Variants in SPATA17 observed in about 807,000 individuals in gnomAD.
SPATA17 encodes spermatogenesis associated 17.
A neutral mutation model predicts 62.2 loss-of-function variants in SPATA17; 53 were observed. That is an observed-to-expected ratio of 0.85 (90% CI 0.68 to 1.07). SPATA17 has a LOEUF of 1.07. Ranked by LOEUF, SPATA17 falls within the 50% of genes least tolerant of loss-of-function variation. The pLI, the probability that SPATA17 is intolerant of heterozygous loss-of-function variation, is 0.00. For missense variants in SPATA17, 466 were observed against 425.5 expected (o/e 1.10, Z -0.84); for synonymous variants, 146 against 146.8 (o/e 0.99, Z 0.04).
intron 4 of SPATA17, 119 bp downstream of exon 4, chr1:217,669,202 GAA>G: frequency 1.2e-6 from 1 of 820,008 alleles, no homozygotes; most frequent in Non-Finnish European, 2.0e-6. Flanking sequence ...GGTAAAGAGA[GAA>G]AGAGTATGTA....
At chr1:217,753,566 T>C (rs899977399) in intron 6 of SPATA17, among the ~76,000 whole-genome samples, 7 of 151,834 alleles carry the variant, frequency 4.6e-5, no homozygotes, top group Admixed American at 2.0e-4. Flanking sequence ...TAGGTATGGG[T>C]AGAGATAGTT....
rs1676113152 is a variant in SPATA17 at position 217,870,723 on chromosome 1, G to C, written c.*3704G>C. ...GGATGTTTAAAAACATACACCCTAA[G>C]AGCCTTCAGAATTAGACGCTTCAAT... is the stretch of plus-strand genomic sequence containing the variant. On this transcript the variant is annotated 3_prime_UTR_variant, in exon 11 of 11. Transcript: ENST00000366933. The C allele has an allele frequency of 6.6e-6, 1 of 152,118 alleles. No homozygotes were observed. 9.4% of individuals were successfully genotyped at this position (152,118 alleles called of 1,614,324 possible). A position where few individuals can be genotyped will look rare whatever the true frequency, so the allele number is the denominator to read the frequency against.
chr1:217,656,263 T>C (rs906980833), intron 3 of SPATA17, among the ~76,000 whole-genome samples: 3 of 152,208 alleles, frequency 2.0e-5, no homozygotes, highest in Non-Finnish European at 4.4e-5. Context: ...GGAATGTGTA[T>C]TTATTTTAAT....
chr1:217,747,389 G>A (rs1042826881), intron 6 of SPATA17, among the ~76,000 whole-genome samples: 3 of 152,002 alleles, frequency 2.0e-5, no homozygotes, highest in African/African-American at 4.8e-5. Context: ...ATATGCAAAG[G>A]CCTATTGTTG....
chr1:217,807,646 T>G (rs1319638056), intron 9 of SPATA17, among the ~76,000 whole-genome samples: 1 of 152,180 alleles, frequency 6.6e-6, no homozygotes, highest in Non-Finnish European at 1.5e-5. Flanking sequence ...GTATATTTAT[T>G]GCCCATATTA....
chr1:217,662,949 G>C (rs568296032), intron 3 of SPATA17, among the ~76,000 whole-genome samples: 1 of 151,936 alleles, frequency 6.6e-6, no homozygotes, highest in South Asian at 2.1e-4. Flanking sequence ...TTTTTCCTTA[G>C]GGTCTAAACT....
At chr1:217,753,613 G>GTA (rs199497632) in intron 6 of SPATA17, among the ~76,000 whole-genome samples, 14 of 151,232 alleles carry the variant, frequency 9.3e-5, no homozygotes, top group South Asian at 4.2e-4. Context: ...TTTTGTATAT[G>GTA]TATATATATA....
chr1:217,840,472 CTGGCCT>C (rs1252918653), intron 9 of SPATA17, among the ~76,000 whole-genome samples: 1 of 152,132 alleles, frequency 6.6e-6, no homozygotes, highest in Non-Finnish European at 1.5e-5. Flanking sequence ...TCACTGCTAT[CTGGCCT>C]ATTAACCATT....
intron 9 of SPATA17, among the ~76,000 whole-genome samples, chr1:217,802,671 A>G (rs61825823): frequency 0.036 from 5,490 of 152,100 alleles, 148 homozygotes; most frequent in Middle Eastern, 0.065. Context: ...TTTAACCTCA[A>G]TCACCTCCTT....
chr1:217,718,841 C>T (rs1408585490), intron 5 of SPATA17, among the ~76,000 whole-genome samples: 23 of 151,908 alleles, frequency 1.5e-4, no homozygotes, highest in Admixed American at 1.5e-3. Context: ...GTACTGGCTG[C>T]CAAACAAACA....
chr1:217,721,921 G>A (rs1173269078), intron 5 of SPATA17, among the ~76,000 whole-genome samples: 16 of 152,094 alleles, frequency 1.1e-4, no homozygotes, highest in South Asian at 2.1e-4. Flanking sequence ...CTTCTAAGAC[G>A]TGGCCTGGAG....
Position 217,870,618 on chromosome 1 carries a change from G to A in SPATA17, c.*3599G>A, listed in dbSNP as rs930806538. On this transcript the variant is annotated 3_prime_UTR_variant, in exon 11 of 11. Coordinates refer to ENST00000366933, the MANE Select transcript of SPATA17 (RefSeq NM_138796.4). ...TAATGAGACTTTATGTTTGACCAAA[G>A]CTGGTAATTCCTTGATCTTATTCTC... 6.6e-6 allele frequency: 1 copy of A among 152,142 alleles called. No individual in the cohort carries two copies. The highest frequency in any genetic ancestry group is 1.5e-5 in the Non-Finnish European group (1 of 68,036). The allele number at this position is 152,142 out of a possible 1,614,324, so 9.4% of individuals were successfully genotyped here. A position where few individuals can be genotyped will look rare whatever the true frequency, so the allele number is the denominator to read the frequency against.
intron 9 of SPATA17, among the ~76,000 whole-genome samples, chr1:217,846,619 G>C (rs938724066): frequency 6.6e-6 from 1 of 151,962 alleles, no homozygotes; most frequent in Non-Finnish European, 1.5e-5. Flanking sequence ...AGCTGCTAAT[G>C]GATAGAAGAA....
intron 5 of SPATA17, among the ~76,000 whole-genome samples, chr1:217,730,942 T>C (rs1672389929): frequency 6.6e-6 from 1 of 152,186 alleles, no homozygotes; most frequent in Non-Finnish European, 1.5e-5. Context: ...TGAAACTCTA[T>C]TGAGAAAATG....
At chr1:217,738,987 T>C (rs1672571414) in intron 5 of SPATA17, among the ~76,000 whole-genome samples, 1 of 152,132 alleles carries the variant, frequency 6.6e-6, no homozygotes, top group East Asian at 1.9e-4. Context: ...AAACAGAGTC[T>C]ATGCTCTTAA....
At chr1:217,641,907 T>A (rs1474133856) in intron 1 of SPATA17, among the ~76,000 whole-genome samples, 1 of 152,216 alleles carries the variant, frequency 6.6e-6, no homozygotes, top group African/African-American at 2.4e-5. Context: ...AAGGATCCTG[T>A]TTGTCTTGTC....
At chr1:217,680,475 T>A (rs919119376) in intron 4 of SPATA17, among the ~76,000 whole-genome samples, 2 of 152,214 alleles carry the variant, frequency 1.3e-5, no homozygotes, top group South Asian at 2.1e-4. Flanking sequence ...AATATAATAT[T>A]GGTAAAATTA....
At chr1:217,788,790 A>T (rs1388205117) in intron 8 of SPATA17, among the ~76,000 whole-genome samples, 1 of 152,172 alleles carries the variant, frequency 6.6e-6, no homozygotes, top group East Asian at 1.9e-4. Flanking sequence ...TGCACTTCTG[A>T]CCTCAAGAAT....
chr1:217,842,833 T>A (rs1474375953), intron 9 of SPATA17, among the ~76,000 whole-genome samples: 1 of 152,108 alleles, frequency 6.6e-6, no homozygotes, highest in East Asian at 1.9e-4. Context: ...TTAAAATGGA[T>A]ATTTAAATGA....
Sources: allele counts gnomAD v4.1 joint callset (sites outside exome capture counted in the v4.1 genomes callset), GRCh38; gene constraint gnomAD v4.1.1; transcripts MANE v1.5; gene names NCBI Gene and HGNC (gene_info 2026-07-23, HGNC 2026-07-21).